SETD1A: variants seen among roughly 807,000 people sequenced by gnomAD.
SETD1A encodes the protein histone-lysine N-methyltransferase SETD1A.
Under a neutral mutation model 149.9 loss-of-function variants are expected in SETD1A, and 29 were observed. The ratio of observed to expected loss-of-function variants is 0.19; its 90% CI spans 0.14 to 0.26. SETD1A has a LOEUF of 0.26. Among genes scored for constraint, SETD1A ranks in the 10% least tolerant of loss-of-function variants. The pLI, the probability that SETD1A is intolerant of heterozygous loss-of-function variation, is 1.00. For missense variants in SETD1A, 2,109 were observed against 2,353.1 expected, an observed-to-expected ratio of 0.90 and a Z score of 2.15; for synonymous variants, 1,141 against 968.5, an observed-to-expected ratio of 1.18 and a Z score of -3.31.
chr16:30,973,308 A>T (rs2056247405), intron 13 of SETD1A, among the ~76,000 whole-genome samples: 1 of 152,166 alleles, frequency 6.6e-6, no homozygotes, highest in Non-Finnish European at 1.5e-5. Flanking sequence ...GCGCTTCTTA[A>T]GTGGCTATTG....
In SETD1A at chr16:30,964,971, C is replaced by T. The variant is rs1473427770; in HGVS notation, c.1229C>T (p.Thr410Ile). Residue 410 changes from threonine (T) to isoleucine (I), a missense_variant, in exon 7 of 19, where the codon ACC becomes ATC. Thr to Ile is a moderately conservative substitution (Grantham distance 89). Coordinates refer to ENST00000262519, the MANE Select transcript of SETD1A (RefSeq NM_014712.3). ...NTAERFPPSY[T>I]SYLPPEPSRP... ...GCTGAGCGCTTCCCACCTTCTTACA[C>T]CTCCTACCTGCCCCCCGAGCCCAGC... 2.5e-6 allele frequency: 4 copies of T among 1,614,138 alleles called. No homozygotes were observed. Among genetic ancestry groups the T allele is most frequent in the Non-Finnish European group, 3.4e-6 (4 of 1,179,996 alleles).
chr16:30,967,000 C>A lies in SETD1A; in HGVS notation c.2622C>A (p.Gly874=). 1.3e-6 allele frequency: 2 copies of A among 1,598,290 alleles called. No homozygotes were observed. The highest frequency in any genetic ancestry group is 1.7e-6 in the Non-Finnish European group (2 of 1,173,174). ...GGGCCAAGAGCGGGGGCACTACGGG[C>A]ATCGAGGCTTTCGCCTTTGGGTCAG... ...VDWAKSGGTT[G]IEAFAFGSGL... Residue 874 remains glycine, a synonymous_variant, in exon 9 of 19, where the codon GGC becomes GGA. Coordinates refer to ENST00000262519, the MANE Select transcript of SETD1A (RefSeq NM_014712.3).
In SETD1A at chr16:30,961,556, G is replaced by A; in HGVS notation, c.517+19G>A. The A allele has an allele frequency of 1.2e-6, 2 of 1,610,670 alleles. No individual in the cohort carries two copies. The highest frequency in any genetic ancestry group is 1.7e-6 in the Non-Finnish European group (2 of 1,178,912). ...ATCAAAGGTGAGGACTCCTCTGCCT[G>A]CCACTCAGGCTTGGCCTCCAGCGGA... On this transcript the variant is annotated intron_variant, in intron 4 of 18. Coordinates refer to ENST00000262519, the MANE Select transcript of SETD1A (RefSeq NM_014712.3). This position sits in a 1 kb window ranked among gnomAD's most constrained non-coding sequence, Gnocchi z 4.0.
chr16:30,979,824 G>C lies in SETD1A; in HGVS notation c.4038G>C (p.Ala1346=). The change falls in exon 14 of 19, where the codon GCG becomes GCC. Residue 1346 remains alanine (A), a synonymous_variant. Coordinates refer to ENST00000262519, the MANE Select transcript of SETD1A (RefSeq NM_014712.3). ...CCCCCGAGGTGGTGGTGGCTGAGGC[G>C]GAGGAGCCCAAGCCGCAGCAACTGC... The part of the protein sequence containing the change: ...LEAPEVVVAE[A]EEPKPQQLQQ... The C allele has an allele frequency of 6.4e-7, 1 of 1,556,776 alleles. No individual in the cohort carries two copies. Among genetic ancestry groups the C allele is most frequent in the South Asian group, 1.2e-5 (1 of 86,578 alleles).
rs753091411 is a variant in SETD1A at position 30,964,086 on chromosome 16, C to T, written c.640-8C>T. 2.6e-5 allele frequency: 42 copies of T among 1,609,482 alleles called. No homozygotes were observed. Among genetic ancestry groups the T allele is most frequent in the Non-Finnish European group, 3.1e-5 (36 of 1,178,628 alleles). On this transcript the variant is annotated splice_polypyrimidine_tract_variant and splice_region_variant and intron_variant, in intron 5 of 18. Coordinates refer to ENST00000262519, the MANE Select transcript of SETD1A (RefSeq NM_014712.3). Reference sequence around the variant, plus strand: ...TTCCTCTCTCCTTGCCCTGCTCTGTCGCTCTAGGCCGAATCCCGCCGCCGC... The same window carrying T: ...TTCCTCTCTCCTTGCCCTGCTCTGTTGCTCTAGGCCGAATCCCGCCGCCGC...
In SETD1A at chr16:30,971,544, C is replaced by T; in HGVS notation, c.3183C>T (p.Ser1061=). 4 of 1,613,952 alleles carry T rather than the reference C, an allele frequency of 2.5e-6. No homozygotes were observed. The highest frequency in any genetic ancestry group is 3.4e-6 in the Non-Finnish European group (4 of 1,179,942). ...SSSSSSSSES[S]SEDEEEEERP... ...CGTCCTCTTCATCCTCTGAGTCCTC[C>T]TCTGAAGATGAAGAGGAAGAGGAGC... is the stretch of plus-strand genomic sequence containing the variant. The change falls in exon 13 of 19, where the codon TCC becomes TCT. Residue 1061 remains serine (S), a synonymous_variant. Transcript: ENST00000262519.
chr16:30,967,164 T>G, intron 9 of SETD1A, 104 bp downstream of exon 9: 1 of 874,684 alleles, frequency 1.1e-6, no homozygotes, highest in Non-Finnish European at 1.7e-6. Context: ...GAGTTTTTTC[T>G]TTTTTTTGAG....
rs530729448 is a variant in SETD1A at position 30,980,123 on chromosome 16, C to T, written c.4337C>T (p.Thr1446Met). The T allele has an allele frequency of 3.0e-5, 48 of 1,612,518 alleles. No individual in the cohort carries two copies. Among genetic ancestry groups the T allele is most frequent in the Admixed American group, 1.7e-4 (10 of 59,518 alleles). ...GAGGACATGAGTTACCTGCGGCTTA[C>T]GTACGAGCGGCTGCTGCAGCAGACA... ...DSEDMSYLRL[T>M]YERLLQQTSG... Residue 1446 changes from threonine (T) to methionine (M), a missense_variant, in exon 14 of 19, where the codon ACG (threonine) becomes ATG (methionine). Thr to Met is a moderately conservative substitution (Grantham distance 81). Transcript: ENST00000262519. The surrounding 1 kb of genome is among the most constrained non-coding windows in gnomAD (Gnocchi z 7.7).
At chr16:30,964,452 T>G in intron 6 of SETD1A, 129 bp downstream of exon 6, 2 of 1,357,772 alleles carry the variant, frequency 1.5e-6, no homozygotes, top group South Asian at 2.7e-5. Context: ...GTGGATTCAG[T>G]CAACAAATTG....
At chr16:30,960,991 C>T (rs2056045469) in intron 3 of SETD1A, among the ~76,000 whole-genome samples, 1 of 151,974 alleles carries the variant, frequency 6.6e-6, no homozygotes, top group African/African-American at 2.4e-5. Flanking sequence ...GATCCGTCCA[C>T]CTCATCCTCC....
intron 5 of SETD1A, 95 bp from the exon 6 acceptor site, chr16:30,963,999 A>C: frequency 9.5e-7 from 1 of 1,053,956 alleles, no homozygotes; most frequent in South Asian, 1.5e-5. Context: ...CTCAAAAAAA[A>C]AAAAAGGGAA....
chr16:30,979,550 T>G lies in SETD1A; in HGVS notation c.3764T>G (p.Val1255Gly). The G allele has an allele frequency of 6.2e-7, 1 of 1,608,986 alleles. No individual in the cohort carries two copies. Among genetic ancestry groups the G allele is most frequent in the Non-Finnish European group, 8.5e-7 (1 of 1,178,926 alleles). Residue 1255 changes from valine to glycine, a missense_variant, in exon 14 of 19, where the codon GTC (valine) becomes GGC (glycine). Val to Gly is a moderately radical substitution (Grantham distance 109, BLOSUM62 -3). Coordinates refer to ENST00000262519, the MANE Select transcript of SETD1A (RefSeq NM_014712.3). Reference sequence around the variant, plus strand: ...CCAGGGACAGAGGTGGACCTGGCGGTCCTGGCCGACCTGGCCCTGACCCCT... The same window carrying G: ...CCAGGGACAGAGGTGGACCTGGCGGGCCTGGCCGACCTGGCCCTGACCCCT... ...AEPGTEVDLA[V>G]LADLALTPAR... is the part of the protein sequence containing the mutation.
Position 30,965,451 on chromosome 16 carries a change from G to A in SETD1A, c.1709G>A (p.Gly570Glu). The change falls in exon 7 of 19, where the codon GGA becomes GAA. Residue 570 changes from glycine (G) to glutamate (E), a missense_variant. Coordinates refer to ENST00000262519, the MANE Select transcript of SETD1A (RefSeq NM_014712.3). ...ACCCGGGAGTCTCCCAAGGCAAATG[G>A]ACAGAACCAGGTGAGGTTGGGGTCA... ...GATRESPKAN[G>E]QNQASPCSSG... 6.3e-7 allele frequency: 1 copy of A among 1,596,140 alleles called. No homozygotes were observed. Among genetic ancestry groups the A allele is most frequent in the Non-Finnish European group, 8.6e-7 (1 of 1,167,170 alleles).
chr16:30,976,454 G>C (rs779585900), intron 13 of SETD1A, among the ~76,000 whole-genome samples: 5 of 152,180 alleles, frequency 3.3e-5, no homozygotes, highest in Admixed American at 6.5e-5. Context: ...GAGGCTGCTG[G>C]CTGGCTCCAC....
In SETD1A at chr16:30,963,535, C is replaced by T. The variant is rs146444823; in HGVS notation, c.620C>T (p.Ser207Leu). The T allele has an allele frequency of 1.6e-5, 26 of 1,612,922 alleles. No individual in the cohort carries two copies. Among genetic ancestry groups the T allele is most frequent in the African/African-American group, 1.2e-4 (9 of 74,860 alleles). The change falls in exon 5 of 19, where the codon TCG becomes TTG. Residue 207 changes from serine to leucine, a missense_variant. Ser to Leu is a moderately radical substitution (Grantham distance 145). Transcript: ENST00000262519. ...GCCCTGAGTGAGAAGTTCCAAGGCTCGGGTGCAGCCACTGAGACGGTGAGA... is the reference window on the plus strand; with the variant it reads ...GCCCTGAGTGAGAAGTTCCAAGGCTTGGGTGCAGCCACTGAGACGGTGAGA... ...GKALSEKFQG[S>L]GAATETAESR...
chr16:30,960,649 C>T (rs1362476555), intron 3 of SETD1A, among the ~76,000 whole-genome samples: 3 of 151,886 alleles, frequency 2.0e-5, no homozygotes, highest in Non-Finnish European at 1.5e-5. Flanking sequence ...CTAGTAAAGG[C>T]TGAGCTAGGA....
intron 7 of SETD1A, 42 bp from the exon 8 acceptor site, chr16:30,965,559 G>T (rs756866146): frequency 1.9e-6 from 3 of 1,602,224 alleles, no homozygotes; most frequent in Middle Eastern, 3.3e-4. Flanking sequence ...GTAGGGCTTG[G>T]GTCAGGCAGA....
chr16:30,964,255 C>T lies in SETD1A; in HGVS notation c.801C>T (p.Ser267=), dbSNP rs747996167. The T allele has an allele frequency of 1.2e-6, 2 of 1,613,942 alleles. No individual in the cohort carries two copies. The highest frequency in any genetic ancestry group is 2.2e-5 in the East Asian group (1 of 44,876). ...PSSFGQFTPQ[S]SQGTPYTSRG... ...CCTTTGGCCAGTTCACACCTCAGTCCTCCCAAGGAACCCCCTACACGTCTC... is the reference window on the plus strand; with the variant it reads ...CCTTTGGCCAGTTCACACCTCAGTCTTCCCAAGGAACCCCCTACACGTCTC... Residue 267 remains serine (S), a synonymous_variant, in exon 6 of 19, where the codon TCC becomes TCT. Transcript: ENST00000262519.
chr16:30,974,881 G>A (rs112096382), intron 13 of SETD1A, among the ~76,000 whole-genome samples: 9 of 151,866 alleles, frequency 5.9e-5, no homozygotes, highest in Non-Finnish European at 1.0e-4. Context: ...GGTGGCTCAC[G>A]CCTGTAATCC....
Sources: gnomAD v4.1 joint callset for allele counts (sites outside exome capture counted in the v4.1 genomes callset) on GRCh38, gnomAD v4.1.1 for gene constraint, Gnocchi (gnomAD v3.1) non-coding constraint, MANE v1.5 for transcripts, NCBI Gene and HGNC (gene_info 2026-07-23, HGNC 2026-07-21) for gene names.